CDH13: variants seen among roughly 807,000 people sequenced by gnomAD.
CDH13 encodes the protein cadherin-13.
Under a neutral mutation model 63.8 loss-of-function variants are expected in CDH13, and 24 were observed. That is an observed-to-expected ratio of 0.38 (90% CI 0.27 to 0.53). The LOEUF is 0.53. CDH13 is among the 20% of genes least tolerant of loss of function. The pLI, the probability that CDH13 is intolerant of heterozygous loss-of-function variation, is 0.85. For missense variants in CDH13, 1,049 were observed against 903.1 expected (o/e 1.16, Z -2.07); for synonymous variants, 503 against 355.3 (o/e 1.42, Z -4.67).
chr16:83,647,312 CA>C (rs772041222), intron 8 of CDH13, among the ~76,000 whole-genome samples: 22,495 of 86,372 alleles, frequency 0.26, 2,004 homozygotes, highest in African/African-American at 0.31. Context: ...GACTCTGTCT[CA>C]AAAAAAAAAA....
intron 10 of CDH13, among the ~76,000 whole-genome samples, chr16:83,692,920 A>G (rs1422518379): frequency 6.6e-6 from 1 of 152,078 alleles, no homozygotes; most frequent in South Asian, 2.1e-4. Flanking sequence ...CGCCTCTACT[A>G]AAAAATACAA....
intron 8 of CDH13, among the ~76,000 whole-genome samples, chr16:83,608,463 C>T (rs939689194): frequency 6.6e-6 from 1 of 152,056 alleles, no homozygotes; most frequent in Non-Finnish European, 1.5e-5. Flanking sequence ...CAAGTATCTT[C>T]TTTTCCTGTG....
At chr16:83,110,792 G>T (rs961807983) in intron 3 of CDH13, among the ~76,000 whole-genome samples, 14 of 152,006 alleles carry the variant, frequency 9.2e-5, no homozygotes, top group African/African-American at 3.4e-4. Flanking sequence ...AGGTGTGACA[G>T]TTACAAGGGG....
intron 6 of CDH13, among the ~76,000 whole-genome samples, chr16:83,418,005 TTC>T (rs541946678): frequency 1.3e-5 from 2 of 152,280 alleles, no homozygotes; most frequent in Admixed American, 6.5e-5. Context: ...AATGTGTCTT[TTC>T]TGTTGAAGCC....
At chr16:82,969,753 T>C (rs528059615) in intron 2 of CDH13, among the ~76,000 whole-genome samples, 1 of 152,146 alleles carries the variant, frequency 6.6e-6, no homozygotes, top group African/African-American at 2.4e-5. Context: ...CCGTGCACAA[T>C]ATATTTTTAA....
intron 7 of CDH13, among the ~76,000 whole-genome samples, chr16:83,521,750 T>C (rs1376454333): frequency 6.6e-6 from 1 of 152,194 alleles, no homozygotes; most frequent in African/African-American, 2.4e-5. Flanking sequence ...CCTGGGTGCA[T>C]GGAACCAGCC....
chr16:82,831,080 A>C lies in CDH13; in HGVS notation c.46-27282A>C, dbSNP rs543705196. On this transcript the variant is annotated intron_variant, in intron 1 of 13. Coordinates refer to ENST00000567109, the MANE Select transcript of CDH13 (RefSeq NM_001257.5). ...CCAATGCGTGGTCCATGGACCAAGC[A>C]GCTTCAGCATCACCTGAGCACTTGT... 3.1e-3 allele frequency among the ~76,000 whole-genome samples: 466 copies of C among 152,222 alleles called. 1 individual carries two copies. The highest frequency in any genetic ancestry group is 4.7e-3 in the Non-Finnish European group (317 of 68,016).
intron 2 of CDH13, among the ~76,000 whole-genome samples, chr16:82,907,602 T>TATGAC (rs1271713959): frequency 1.3e-5 from 2 of 152,228 alleles, no homozygotes; most frequent in Non-Finnish European, 2.9e-5. Context: ...TTTTGTAAAC[T>TATGAC]ATGACAGAAA....
chr16:83,158,120 G>C (rs770486249), intron 4 of CDH13, among the ~76,000 whole-genome samples: 14 of 151,956 alleles, frequency 9.2e-5, no homozygotes, highest in Non-Finnish European at 1.6e-4. Flanking sequence ...GGTAAATTCA[G>C]GGGATAAGAT....
intron 2 of CDH13, among the ~76,000 whole-genome samples, chr16:82,860,621 A>G (rs943467720): frequency 7.1e-6 from 1 of 141,594 alleles, no homozygotes; most frequent in African/African-American, 2.7e-5. Flanking sequence ...GTGAAACCGT[A>G]TGTCCATGTA....
intron 7 of CDH13, among the ~76,000 whole-genome samples, chr16:83,582,020 G>C (rs1268320461): frequency 2.0e-5 from 3 of 152,128 alleles, no homozygotes; most frequent in African/African-American, 7.2e-5. Flanking sequence ...AAGATTGCCT[G>C]GTCCTGGGTG....
chr16:83,547,733 C>G (rs140455635), intron 7 of CDH13, among the ~76,000 whole-genome samples: 24 of 152,268 alleles, frequency 1.6e-4, no homozygotes, highest in African/African-American at 5.8e-4. Flanking sequence ...CATGTCTTTG[C>G]TATAGTGAAT....
chr16:83,648,595 A>T (rs1191519720), intron 8 of CDH13, among the ~76,000 whole-genome samples: 2 of 152,064 alleles, frequency 1.3e-5, no homozygotes, highest in Non-Finnish European at 2.9e-5. Flanking sequence ...TTCCATAGAC[A>T]TGGAAATTTC....
intron 2 of CDH13, among the ~76,000 whole-genome samples, chr16:83,017,667 T>G (rs1914937573): frequency 2.0e-5 from 3 of 152,312 alleles, no homozygotes; most frequent in Middle Eastern, 6.8e-3. Flanking sequence ...TTATATATGA[T>G]AGACATCAAA....
At chr16:83,678,537 T>G in intron 10 of CDH13, 76 bp downstream of exon 10, 2 of 1,554,334 alleles carry the variant, frequency 1.3e-6, no homozygotes, top group Non-Finnish European at 1.8e-6. Context: ...AGAAGCTGGT[T>G]GTCAGGAGCA....
intron 1 of CDH13, among the ~76,000 whole-genome samples, chr16:82,800,982 C>G (rs778463775): frequency 1.3e-5 from 2 of 152,144 alleles, no homozygotes; most frequent in South Asian, 4.1e-4. Flanking sequence ...AATAGGAGTT[C>G]TTGAAACTCA....
intron 1 of CDH13, among the ~76,000 whole-genome samples, chr16:82,732,544 G>T (rs2033457245): frequency 6.6e-6 from 1 of 152,164 alleles, no homozygotes; most frequent in African/African-American, 2.4e-5. Context: ...GAAACAGGAA[G>T]ATGAATGGAA....
chr16:82,946,400 C>G (rs1218673542), intron 2 of CDH13, among the ~76,000 whole-genome samples: 1 of 152,084 alleles, frequency 6.6e-6, no homozygotes, highest in East Asian at 1.9e-4. Context: ...TAAACTTGTC[C>G]TATTTCATCA....
At chr16:83,406,576 G>A (rs2092051271) in intron 6 of CDH13, among the ~76,000 whole-genome samples, 1 of 152,006 alleles carries the variant, frequency 6.6e-6, no homozygotes, top group Non-Finnish European at 1.5e-5. Context: ...CGATTCTCCT[G>A]CCTTAGCCTC....
Sources: allele counts gnomAD v4.1 joint callset (sites outside exome capture counted in the v4.1 genomes callset), GRCh38; gene constraint gnomAD v4.1.1; transcripts MANE v1.5; gene names NCBI Gene and HGNC (gene_info 2026-07-23, HGNC 2026-07-21).